CDH13: variants seen among roughly 807,000 people sequenced by gnomAD.
The protein encoded by CDH13 is cadherin-13.
CDH13 carries 24 observed loss-of-function variants against 63.8 expected under a neutral mutation model. That is an observed-to-expected ratio of 0.38 (90% CI 0.27 to 0.53). The LOEUF (loss-of-function observed/expected upper bound fraction) is 0.53, where lower values mean the gene tolerates loss of function less well. Among genes scored for constraint, CDH13 ranks in the 20% least tolerant of loss-of-function variants. The pLI, the probability that CDH13 is intolerant of heterozygous loss-of-function variation, is 0.85. For synonymous variants in CDH13, 503 were observed against 355.3 expected (o/e 1.42, Z -4.67); for missense variants, 1,049 against 903.1 (o/e 1.16, Z -2.07).
chr16:82,922,685 A>G (rs1339243925), intron 2 of CDH13, among the ~76,000 whole-genome samples: 1 of 152,178 alleles, frequency 6.6e-6, no homozygotes, highest in Non-Finnish European at 1.5e-5. Flanking sequence ...GAAAGTGAGA[A>G]TTCTACTTAT....
At chr16:83,537,479 G>C (rs928163433) in intron 7 of CDH13, among the ~76,000 whole-genome samples, 15 of 152,158 alleles carry the variant, frequency 9.9e-5, no homozygotes, top group African/African-American at 2.9e-4. Flanking sequence ...GTAGTTATAT[G>C]ATTGTTTAAT....
At chr16:83,115,358 T>C (rs758676571) in intron 3 of CDH13, among the ~76,000 whole-genome samples, 21 of 152,208 alleles carry the variant, frequency 1.4e-4, no homozygotes, top group Non-Finnish European at 2.4e-4. Context: ...AAATACTCAA[T>C]AAATGGCAGT....
rs11150521 is a variant in CDH13, at chr16:82,912,670, G to A, written c.157+54197G>A. On this transcript the variant is annotated intron_variant, in intron 2 of 13. Transcript: ENST00000567109. ...GAAAGAGAGTGGTGACTCGCCGGGC[G>A]CGGTGGCTCACGCCTGTAATCCCAG... is the stretch of plus-strand genomic sequence containing the variant. Among the ~76,000 whole-genome samples, 397 of 152,192 alleles carry A rather than the reference G, an allele frequency of 2.6e-3. 2 individuals are homozygous for A. The highest frequency in any genetic ancestry group is 9.0e-3 in the African/African-American group (372 of 41,528).
At chr16:83,247,536 A>T (rs190193374) in intron 5 of CDH13, among the ~76,000 whole-genome samples, 5 of 151,998 alleles carry the variant, frequency 3.3e-5, no homozygotes, top group Admixed American at 3.3e-4. Context: ...CATGCATGTG[A>T]TTCAGAATTA....
intron 5 of CDH13, among the ~76,000 whole-genome samples, chr16:83,286,293 G>A (rs1162666441): frequency 6.6e-6 from 1 of 152,118 alleles, no homozygotes; most frequent in Non-Finnish European, 1.5e-5. Flanking sequence ...ATTTGCAGTT[G>A]ACTTTACTTT....
intron 7 of CDH13, among the ~76,000 whole-genome samples, chr16:83,571,739 C>A (rs1904641694): frequency 6.6e-6 from 1 of 152,152 alleles, no homozygotes; most frequent in Non-Finnish European, 1.5e-5. Context: ...TCAATTACTC[C>A]CTCTCTTGTA....
chr16:83,715,006 C>T (rs1908670791), intron 10 of CDH13, among the ~76,000 whole-genome samples: 1 of 152,188 alleles, frequency 6.6e-6, no homozygotes, highest in Admixed American at 6.5e-5. Flanking sequence ...TGAGCAAGGA[C>T]TTTCCAGCTA....
intron 6 of CDH13, among the ~76,000 whole-genome samples, chr16:83,410,223 C>G (rs898467312): frequency 1.3e-5 from 2 of 152,168 alleles, no homozygotes; most frequent in African/African-American, 2.4e-5. Flanking sequence ...TCATGGGTCT[C>G]TAAATAGACA....
chr16:83,701,029 A>G (rs78038731), intron 10 of CDH13, among the ~76,000 whole-genome samples: 2,894 of 152,322 alleles, frequency 0.019, 32 homozygotes, highest in Non-Finnish European at 0.029. Flanking sequence ...CTGAGGATGT[A>G]TGGCCCTGAG....
chr16:83,295,153 C>A (rs1291496032), intron 5 of CDH13, among the ~76,000 whole-genome samples: 2 of 152,058 alleles, frequency 1.3e-5, no homozygotes, highest in African/African-American at 4.8e-5. Context: ...CAATAAATGG[C>A]ATTTGGGAAA....
chr16:83,057,423 A>G (rs536547116), intron 3 of CDH13, among the ~76,000 whole-genome samples: 1 of 152,340 alleles, frequency 6.6e-6, no homozygotes, highest in Non-Finnish European at 1.5e-5. Context: ...TTCACTCAAA[A>G]AAAATTCACC....
intron 2 of CDH13, chr16:82,953,376 A>T (rs72790163): frequency 6.6e-6 from 1 of 152,118 alleles, no homozygotes; most frequent in African/African-American, 2.4e-5. Context: ...CCAGTGACCA[A>T]CATGGGGTTT....
chr16:82,781,511 A>G (rs2035752715), intron 1 of CDH13, among the ~76,000 whole-genome samples: 1 of 151,874 alleles, frequency 6.6e-6, no homozygotes, highest in African/African-American at 2.4e-5. Context: ...CTGTCCACCC[A>G]CTCACCCATC....
intron 4 of CDH13, among the ~76,000 whole-genome samples, chr16:83,145,770 C>T (rs1054393291): frequency 4.6e-5 from 7 of 152,166 alleles, no homozygotes; most frequent in African/African-American, 1.7e-4. Context: ...GAGGGGCTAG[C>T]AGACCAGCCT....
At position 83,047,983 on chromosome 16, in the gene CDH13, A is replaced by G. The variant is rs1917957252; in HGVS notation, c.366+15765A>G. ...TTGCACTCAGACTCCTCAAAAAAAC[A>G]TTTAACAAAATATGTTATCTTTTTT... On this transcript the variant is annotated intron_variant, in intron 3 of 13. Coordinates refer to ENST00000567109, the MANE Select transcript of CDH13 (RefSeq NM_001257.5). The surrounding 1 kb of genome is among the most constrained non-coding windows in gnomAD (Gnocchi z 4.9). Among the ~76,000 whole-genome samples, 1 of 152,216 alleles carries G rather than the reference A, an allele frequency of 6.6e-6. No homozygotes were observed. The highest frequency in any genetic ancestry group is 2.4e-5 in the African/African-American group (1 of 41,458).
chr16:82,756,240 G>A (rs549312394), intron 1 of CDH13, among the ~76,000 whole-genome samples: 47 of 152,244 alleles, frequency 3.1e-4, no homozygotes, highest in African/African-American at 9.6e-4. Context: ...AGATATTCTG[G>A]AATAAAAAAT....
chr16:82,837,602 C>T (rs142176087), intron 1 of CDH13, among the ~76,000 whole-genome samples: 27 of 152,320 alleles, frequency 1.8e-4, no homozygotes, highest in Non-Finnish European at 3.2e-4. Context: ...TTTCCACAAT[C>T]CCCTCCCAAT....
intron 11 of CDH13, among the ~76,000 whole-genome samples, chr16:83,759,579 A>G (rs1338444030): frequency 6.6e-6 from 1 of 152,150 alleles, no homozygotes; most frequent in African/African-American, 2.4e-5. Context: ...TTCAAATGAC[A>G]CAGTTAAGAA....
intron 6 of CDH13, among the ~76,000 whole-genome samples, chr16:83,388,705 G>A (rs1022936792): frequency 1.3e-5 from 2 of 152,114 alleles, no homozygotes; most frequent in African/African-American, 4.8e-5. Context: ...ATATTTCCAA[G>A]GGCACAGCAG....
Sources: allele counts gnomAD v4.1 joint callset (sites outside exome capture counted in the v4.1 genomes callset), GRCh38; gene constraint gnomAD v4.1.1; non-coding constraint Gnocchi (gnomAD v3.1); transcripts MANE v1.5; gene names NCBI Gene and HGNC (gene_info 2026-07-23, HGNC 2026-07-21).